UNC13A: variants seen among roughly 807,000 people sequenced by gnomAD.
The protein encoded by UNC13A is protein unc-13 homolog A.
In UNC13A, 61 loss-of-function variants were observed where a neutral mutation model predicts 219.7. The observed-to-expected ratio is 0.28, with a 90% CI of 0.23 to 0.34. The LOEUF (loss-of-function observed/expected upper bound fraction) is 0.34. UNC13A is among the 10% of genes least tolerant of loss of function. UNC13A has a pLI of 1.00. For synonymous variants in UNC13A, 920 were observed against 884.6 expected (o/e 1.04, Z -0.71); for missense variants, 1,476 against 2,270.3 (o/e 0.65, Z 7.11).
At chr19:17,617,945 C>T (rs139040835) in intron 40 of UNC13A, 96 bp from the exon 41 acceptor site, 19,489 of 1,479,312 alleles carry the variant, frequency 0.013, 157 homozygotes, top group Non-Finnish European at 0.016. Context: ...CAATTCTTCC[C>T]GCTACTACTT....
intron 41 of UNC13A, 40 bp downstream of exon 41, chr19:17,617,662 C>CGCGGA: frequency 1.9e-6 from 3 of 1,602,828 alleles, no homozygotes; most frequent in Non-Finnish European, 2.6e-6. Flanking sequence ...GGGCTGTCTC[C>CGCGGA]GCGGAGCGGG....
intron 43 of UNC13A, among the ~76,000 whole-genome samples, chr19:17,607,699 C>T (rs2076548782): frequency 1.3e-5 from 2 of 151,216 alleles, no homozygotes; most frequent in Admixed American, 1.3e-4. Context: ...TCTTCCTGCC[C>T]CAGCCTCCCA....
At chr19:17,669,698 G>A (rs751171189) in intron 4 of UNC13A, 22 bp from the exon 5 acceptor site, 2 of 1,595,014 alleles carry the variant, frequency 1.3e-6, no homozygotes, top group South Asian at 1.1e-5. Flanking sequence ...GGGAGGAGGT[G>A]TGTGGGTCAG....
In UNC13A at chr19:17,649,485, G is replaced by A. The variant is rs778997801; in HGVS notation, c.1518+24C>T. On this transcript the variant is annotated intron_variant, in intron 13 of 43. Coordinates refer to ENST00000519716, the MANE Select transcript of UNC13A (RefSeq NM_001080421.3). This position sits in a 1 kb window ranked among gnomAD's most constrained non-coding sequence, Gnocchi z 4.4. ...CTTATAGCAGGCCTGCTCTGCTCAGGGAGTAAAGGGCGAGGGTGCTTACCA... is the reference window on the plus strand; with the variant it reads ...CTTATAGCAGGCCTGCTCTGCTCAGAGAGTAAAGGGCGAGGGTGCTTACCA... The A allele has an allele frequency of 6.2e-7, 1 of 1,613,942 alleles. No individual in the cohort carries two copies. The highest frequency in any genetic ancestry group is 8.5e-7 in the Non-Finnish European group (1 of 1,179,858).
intron 16 of UNC13A, among the ~76,000 whole-genome samples, chr19:17,647,854 C>T (rs957647524): frequency 8.9e-5 from 12 of 135,222 alleles, no homozygotes; most frequent in African/African-American, 3.3e-4. Context: ...TCTCTGAGTC[C>T]CACCCCTCTG....
chr19:17,655,092 G>A (rs531279349), intron 11 of UNC13A, among the ~76,000 whole-genome samples, 182 bp downstream of exon 11: 9 of 152,218 alleles, frequency 5.9e-5, no homozygotes, highest in Non-Finnish European at 1.3e-4. Flanking sequence ...GGAAGGGCTC[G>A]AGTGGCTGGG....
At chr19:17,671,497 A>C (rs1383045972) in intron 4 of UNC13A, among the ~76,000 whole-genome samples, 1 of 152,102 alleles carries the variant, frequency 6.6e-6, no homozygotes, top group Admixed American at 6.5e-5. Context: ...ACGGCCTGGC[A>C]TGGTGGCTCG....
chr19:17,647,255 G>A lies in UNC13A; in HGVS notation c.2044+10C>T, dbSNP rs1369752575. On this transcript the variant is annotated intron_variant, in intron 17 of 43. Transcript: ENST00000519716. ...AAGGAGGGGCCCTATGGCGGCCCAC[G>A]CCCCCTCACCGGTGATGCTGATCTT... The A allele has an allele frequency of 1.3e-5, 21 of 1,558,222 alleles. No individual in the cohort carries two copies. Among genetic ancestry groups the A allele is most frequent in the Middle Eastern group, 2.0e-4 (1 of 5,122 alleles).
At chr19:17,645,123 C>T (rs2077011931) in intron 19 of UNC13A, among the ~76,000 whole-genome samples, 1 of 151,284 alleles carries the variant, frequency 6.6e-6, no homozygotes, top group Non-Finnish European at 1.5e-5. Flanking sequence ...ATTCTCCTGC[C>T]TCAGCCTCCC....
In UNC13A at chr19:17,648,603, G is replaced by A. The variant is rs1460299942; in HGVS notation, c.1644C>T (p.Ile548=). 2 of 1,613,232 alleles carry A rather than the reference G, an allele frequency of 1.2e-6. No homozygotes were observed. The highest frequency in any genetic ancestry group is 1.7e-5 in the Admixed American group (1 of 59,986). Residue 548 remains isoleucine (I), a synonymous_variant, in exon 16 of 44, where the codon ATC becomes ATT. Coordinates refer to ENST00000519716, the MANE Select transcript of UNC13A (RefSeq NM_001080421.3). ...CGAAGTTGTGTGGCGTCGTGCACGA[G>A]ATGGGGTAGATTAAGGCTTGCAGGG... ...KKTLQALIYP[I]SCTTPHNFEV...
At chr19:17,615,346 C>T (rs1423182449) in intron 41 of UNC13A, among the ~76,000 whole-genome samples, 5 of 152,084 alleles carry the variant, frequency 3.3e-5, no homozygotes, top group South Asian at 4.1e-4. Flanking sequence ...TTCGCCATTG[C>T]ACTCCAGCCT....
Position 17,655,384 on chromosome 19 carries a change from T to G in UNC13A, c.1284-2A>C. ...TCCTCATCCTCTCTCGGCCTGAAACTGAGGCAGGGAACGCTATGAGGCTCT... is the reference window on the plus strand; with the variant it reads ...TCCTCATCCTCTCTCGGCCTGAAACGGAGGCAGGGAACGCTATGAGGCTCT... On this transcript the variant is annotated splice_acceptor_variant, in intron 10 of 43. Transcript: ENST00000519716. LOFTEE classifies it high-confidence loss of function. 1.9e-6 allele frequency: 3 copies of G among 1,573,130 alleles called. No homozygotes were observed. Among genetic ancestry groups the G allele is most frequent in the African/African-American group, 2.7e-5 (2 of 74,118 alleles).
At chr19:17,639,637 G>T in intron 23 of UNC13A, 112 bp from the exon 24 acceptor site, 2 of 1,296,074 alleles carry the variant, frequency 1.5e-6, no homozygotes, top group Non-Finnish European at 2.2e-6. Context: ...GGGTTGATTA[G>T]AGCACCTCGA....
At chr19:17,624,695 G>T in intron 35 of UNC13A, 134 bp downstream of exon 35, 1 of 1,304,160 alleles carries the variant, frequency 7.7e-7, no homozygotes, top group South Asian at 1.7e-5. Flanking sequence ...ACCCTTGAAT[G>T]GCCCTTGAGC....
At position 17,606,364 on chromosome 19, in the gene UNC13A, GA is replaced by G. The variant is rs767746525; in HGVS notation, c.4812-11del. 17 of 1,541,086 alleles carry G rather than the reference GA, an allele frequency of 1.1e-5. No homozygotes were observed. The highest frequency in any genetic ancestry group is 9.5e-5 in the South Asian group (8 of 83,996). On this transcript the variant is annotated splice_polypyrimidine_tract_variant and intron_variant, in intron 43 of 43. Transcript: ENST00000519716. ...GTCGGCGCTCAGCGTGCTGCGTGGG[GA>G]GGGGCGGAACGTGAGACAGGCCACA... is the stretch of plus-strand genomic sequence containing the variant.
chr19:17,630,795 C>G (rs1206022638), intron 28 of UNC13A, 45 bp from the exon 29 acceptor site: 1 of 1,578,764 alleles, frequency 6.3e-7, no homozygotes. Flanking sequence ...TCTTGTCCTC[C>G]TCAACCTCTG....
At chr19:17,630,348 C>G in intron 29 of UNC13A, 60 bp from the exon 30 acceptor site, 1 of 1,543,294 alleles carries the variant, frequency 6.5e-7, no homozygotes, top group Non-Finnish European at 8.7e-7. Flanking sequence ...TCCCTAGAGC[C>G]CAACTCTCCC....
intron 25 of UNC13A, among the ~76,000 whole-genome samples, chr19:17,638,178 A>C (rs2076930998): frequency 6.6e-6 from 1 of 151,870 alleles, no homozygotes; most frequent in Admixed American, 6.6e-5. Flanking sequence ...TTTCCCTCAT[A>C]ATAGGCTATA....
rs573215041 is a variant in UNC13A at position 17,667,912 on chromosome 19, C to T, written c.468+205G>A. Among the ~76,000 whole-genome samples the T allele has an allele frequency of 1.2e-4, 18 of 151,744 alleles. No homozygotes were observed. The East Asian group carries it at 3.3e-3, about 28-fold the overall frequency. Reference sequence around the variant, plus strand: ...CTGGGATTACAGGCGTGAGCCACTGCGCCTGGCCTCTGTGTGTTTCTTGAC... The same window carrying T: ...CTGGGATTACAGGCGTGAGCCACTGTGCCTGGCCTCTGTGTGTTTCTTGAC... On this transcript the variant is annotated intron_variant, in intron 6 of 43. Coordinates refer to ENST00000519716, the MANE Select transcript of UNC13A (RefSeq NM_001080421.3).
Sources: allele counts gnomAD v4.1 joint callset (sites outside exome capture counted in the v4.1 genomes callset), GRCh38; gene constraint gnomAD v4.1.1; non-coding constraint Gnocchi (gnomAD v3.1); transcripts MANE v1.5; gene names NCBI Gene and HGNC (gene_info 2026-07-23, HGNC 2026-07-21).